SLC71A2: variants seen among roughly 807,000 people sequenced by gnomAD.
SLC71A2 encodes hippocampus abundant transcript-like 1.
At chr9:94,426,841 G>T in the SLC71A2 span, among the ~76,000 whole-genome samples, 3 of 151,964 alleles carry the variant, frequency 2.0e-5, no homozygotes, top group Non-Finnish European at 2.9e-5. Flanking sequence ...TATTTATTTA[G>T]ATAGATAGAT....
the SLC71A2 span, among the ~76,000 whole-genome samples, chr9:94,409,632 G>A: frequency 6.6e-6 from 1 of 152,132 alleles, no homozygotes; most frequent in Non-Finnish European, 1.5e-5. Context: ...GTTAAGCGCT[G>A]CTTTAAGCTG....
chr9:94,433,276 G>A, the SLC71A2 span: 4 of 190,992 alleles, frequency 2.1e-5, no homozygotes, highest in South Asian at 1.1e-4. Flanking sequence ...TGTGGCCCTC[G>A]GATCCCCCTG....
chr9:94,452,915 GT>G, the SLC71A2 span, among the ~76,000 whole-genome samples: 1 of 151,642 alleles, frequency 6.6e-6, no homozygotes, highest in South Asian at 2.1e-4. Flanking sequence ...CCTAGGGGTT[GT>G]TTTCCCTGAA....
chr9:94,458,624 T>A, the SLC71A2 span, among the ~76,000 whole-genome samples: 1 of 151,854 alleles, frequency 6.6e-6, no homozygotes, highest in Non-Finnish European at 1.5e-5. Flanking sequence ...CAGGGAGGGG[T>A]CATTTTAGTG....
the SLC71A2 span, among the ~76,000 whole-genome samples, chr9:94,405,525 G>A: frequency 4.6e-5 from 7 of 151,334 alleles, no homozygotes; most frequent in South Asian, 2.1e-4. Context: ...AAAAGACTGG[G>A]CTTTGCCATG....
the SLC71A2 span, among the ~76,000 whole-genome samples, chr9:94,389,969 C>G: frequency 8.6e-5 from 13 of 151,176 alleles, no homozygotes; most frequent in Non-Finnish European, 1.5e-4. Flanking sequence ...AATCCCAACA[C>G]TTTGGGAGGC....
the SLC71A2 span, among the ~76,000 whole-genome samples, chr9:94,382,970 G>A: frequency 2.6e-5 from 4 of 152,150 alleles, no homozygotes; most frequent in African/African-American, 7.2e-5. Context: ...GGGATTACAG[G>A]CGTGAGTCAT....
At chr9:94,379,491 A>G in the SLC71A2 span, among the ~76,000 whole-genome samples, 1 of 144,318 alleles carries the variant, frequency 6.9e-6, no homozygotes. Context: ...CTGGGTTCAA[A>G]TGATCCTCCT....
the SLC71A2 span, chr9:94,374,660 T>G: frequency 6.5e-6 from 1 of 153,984 alleles, no homozygotes; most frequent in Non-Finnish European, 1.4e-5. Flanking sequence ...AGCTTCAGCC[T>G]CCGCCGCCTC....
the SLC71A2 span, chr9:94,451,508 TTCTG>T: frequency 6.4e-7 from 1 of 1,568,932 alleles, no homozygotes; most frequent in Non-Finnish European, 8.7e-7. Context: ...ATGGTAGGAA[TTCTG>T]TCTATTGTGG....
At chr9:94,394,001 T>C in the SLC71A2 span, among the ~76,000 whole-genome samples, 1 of 138,042 alleles carries the variant, frequency 7.2e-6, no homozygotes, top group Non-Finnish European at 1.6e-5. Context: ...GTATTTTCAC[T>C]CTTATAGAAT....
chr9:94,430,341 G>T, the SLC71A2 span, among the ~76,000 whole-genome samples: 1 of 151,424 alleles, frequency 6.6e-6, no homozygotes, highest in African/African-American at 2.4e-5. Flanking sequence ...TCCTGCCTTA[G>T]TCTTCTGAGT....
chr9:94,438,184 C>A, the SLC71A2 span, among the ~76,000 whole-genome samples: 7 of 152,090 alleles, frequency 4.6e-5, no homozygotes, highest in Admixed American at 2.0e-4. Context: ...GTGATCCACC[C>A]GCCTCGGCCT....
chr9:94,449,490 A>G, the SLC71A2 span, among the ~76,000 whole-genome samples: 8 of 152,240 alleles, frequency 5.3e-5, no homozygotes, highest in Non-Finnish European at 1.0e-4. Flanking sequence ...CAGGAAAAGA[A>G]GAATAACATT....
At chr9:94,424,903 CTTTT>C in the SLC71A2 span, among the ~76,000 whole-genome samples, 21,667 of 135,450 alleles carry the variant, frequency 0.16, 2,227 homozygotes, top group Non-Finnish European at 0.23. Context: ...CCACAACTGG[CTTTT>C]TTTTTTTTTT....
the SLC71A2 span, among the ~76,000 whole-genome samples, chr9:94,426,519 G>A: frequency 2.2e-4 from 33 of 151,942 alleles, no homozygotes; most frequent in African/African-American, 7.7e-4. Context: ...ATCCAGAAGC[G>A]CCTTATGATT....
At chr9:94,439,233 C>A in the SLC71A2 span, among the ~76,000 whole-genome samples, 67 of 151,886 alleles carry the variant, frequency 4.4e-4, no homozygotes, top group Non-Finnish European at 6.8e-4. Context: ...TTCCCTTGAA[C>A]TGACTCCTGG....
chr9:94,396,291 G>A, the SLC71A2 span, among the ~76,000 whole-genome samples: 1 of 151,626 alleles, frequency 6.6e-6, no homozygotes, highest in Non-Finnish European at 1.5e-5. Context: ...CGAGGCAGAC[G>A]GATTGCCTGA....
chr9:94,442,069 C>T, the SLC71A2 span, among the ~76,000 whole-genome samples: 31 of 152,290 alleles, frequency 2.0e-4, no homozygotes, highest in African/African-American at 7.5e-4. Flanking sequence ...TCCCGTCTTC[C>T]TCTGTATTTG....
Sources: gnomAD v4.1 joint callset for allele counts (sites outside exome capture counted in the v4.1 genomes callset) on GRCh38, gnomAD v4.1.1 for gene constraint, MANE v1.5 for transcripts, NCBI Gene and HGNC (gene_info 2026-07-23, HGNC 2026-07-21) for gene names.